ZNF800: variants seen among roughly 807,000 people sequenced by gnomAD.
ZNF800 encodes zinc finger protein 800.
ZNF800 carries 13 observed loss-of-function variants against 59.5 expected under a neutral mutation model. The ratio of observed to expected loss-of-function variants is 0.22; its 90% CI spans 0.14 to 0.35. ZNF800 has a LOEUF of 0.35. Ranked by LOEUF, ZNF800 falls within the 10% of genes least tolerant of loss-of-function variation. The pLI, the probability that ZNF800 is intolerant of heterozygous loss-of-function variation, is 1.00. For synonymous variants in ZNF800, 266 were observed against 265.7 expected, an observed-to-expected ratio of 1.00 and a Z score of -0.01; for missense variants, 621 against 783.7, an observed-to-expected ratio of 0.79 and a Z score of 2.48.
At chr7:127,372,873 A>G in intron 5 of ZNF800, 1 of 985,316 alleles carries the variant, frequency 1.0e-6, no homozygotes, top group Non-Finnish European at 1.2e-6. Flanking sequence ...TTTTTACAAT[A>G]ATTACAGTGC....
chr7:127,356,152 T>C (rs1272609515), intron 1 of ZNF800, among the ~76,000 whole-genome samples: 3 of 152,048 alleles, frequency 2.0e-5, no homozygotes, highest in Non-Finnish European at 2.9e-5. Flanking sequence ...AGTGATCTAG[T>C]GATTTTGTAA....
At chr7:127,360,072 T>C (rs1203276127) in intron 1 of ZNF800, 1 of 152,054 alleles carries the variant, frequency 6.6e-6, no homozygotes, top group East Asian at 1.9e-4. Flanking sequence ...TGACTCAGAA[T>C]CTGCATTTTA....
chr7:127,374,262 T>A lies in ZNF800; in HGVS notation c.1074A>T (p.Ala358=), dbSNP rs1236340026. 2 of 1,613,878 alleles carry A rather than the reference T, an allele frequency of 1.2e-6. No individual in the cohort carries two copies. The highest frequency in any genetic ancestry group is 1.7e-6 in the Non-Finnish European group (2 of 1,179,980). Residue 358 remains alanine, a synonymous_variant, in exon 5 of 6, where the codon GCA becomes GCT. Transcript: ENST00000265827. ...SSSKAEYNLT[A]CKCLLCKRKY... is the part of the protein sequence containing the mutation. ...TCCTCTTGCAAAGGAGGCATTTGCA[T>A]GCAGTTAAATTGTATTCAGCCTTTG...
At chr7:127,392,020 G>A in intron 1 of ZNF800, 40 bp downstream of exon 1, 1 of 387,168 alleles carries the variant, frequency 2.6e-6, no homozygotes, top group Non-Finnish European at 4.6e-6. Context: ...GGTCTCCCTG[G>A]CGGAGACCCC....
rs551378117 is a variant in ZNF800, at chr7:127,352,353, A to G, written n.225-4310T>C. On this transcript the variant is annotated intron_variant and non_coding_transcript_variant, in intron 1 of 1. Coordinates refer to the ZNF800 transcript ENST00000485577. ...TCAACTGCATTAAATTCTAATAGAA[A>G]AAAAGTATCAAAAGAGAAAGTCTAT... Among the ~76,000 whole-genome samples the G allele has an allele frequency of 3.3e-5, 5 of 152,266 alleles. No individual in the cohort carries two copies. In the South Asian group the frequency reaches 1.0e-3, roughly 32 times the overall value.
chr7:127,370,703 C>T lies in ZNF800; in HGVS notation c.*1111G>A, dbSNP rs1195612206. The T allele has an allele frequency of 6.6e-6, 1 of 152,456 alleles. No homozygotes were observed. The highest frequency in any genetic ancestry group is 1.9e-4 in the East Asian group (1 of 5,198). The allele number at this position is 152,456 out of a possible 1,614,324, so 9.4% of individuals were successfully genotyped here. On this transcript the variant is annotated 3_prime_UTR_variant, in exon 6 of 6. Coordinates refer to ENST00000265827, the MANE Select transcript of ZNF800 (RefSeq NM_176814.5). ...ACAAATAACTAAAAAATAAAATATT[C>T]CCTAAAAGTACAAAATATTGATACA...
chr7:127,374,528 G>T lies in ZNF800; in HGVS notation c.808C>A (p.Pro270Thr). 1 of 1,614,122 alleles carries T rather than the reference G, an allele frequency of 6.2e-7. No homozygotes were observed. Among genetic ancestry groups the T allele is most frequent in the Non-Finnish European group, 8.5e-7 (1 of 1,179,972 alleles). Residue 270 changes from proline (P) to threonine (T), a missense_variant, in exon 5 of 6, where the codon CCA becomes ACA. By Grantham distance (38) the Pro-to-Thr change is conservative. Around this residue, in one of 7 missense-constraint regions of ZNF800, gnomAD observed 218 missense variants for 230.8 expected, o/e 0.94. Coordinates refer to ENST00000265827, the MANE Select transcript of ZNF800 (RefSeq NM_176814.5). ...LKKYIETRKN[P>T]NQSSKGRSKN... ...CTGCGTCCTTTAGAGGATTGGTTTGGATTCTTTCGTGTTTCAATGTACTTT... is the reference window on the plus strand; with the variant it reads ...CTGCGTCCTTTAGAGGATTGGTTTGTATTCTTTCGTGTTTCAATGTACTTT...
rs1161061417 is a variant in ZNF800, at chr7:127,386,085, T to C, written c.132A>G (p.Gln44=). The stretch of plus-strand genomic sequence containing the variant: ...CTGATCGAAAGCACTCAATTATTTG[T>C]TGAATACCAGATTTGGATGTCTGTA... ...QPLQTSKSGI[Q]QIIECFRSGT... The change falls in exon 3 of 6, where the codon CAA becomes CAG. Residue 44 remains glutamine, a synonymous_variant. Coordinates refer to ENST00000265827, the MANE Select transcript of ZNF800 (RefSeq NM_176814.5). The C allele has an allele frequency of 4.3e-6, 7 of 1,611,886 alleles. No homozygotes were observed. Among genetic ancestry groups the C allele is most frequent in the African/African-American group, 4.0e-5 (3 of 74,872 alleles).
exon 2 of ZNF800, chr7:127,347,779 A>C (rs1252434011): frequency 6.6e-6 from 1 of 152,044 alleles, no homozygotes; most frequent in African/African-American, 2.4e-5. Context: ...CGGCCCGTGG[A>C]GACGGCCGCG....
chr7:127,373,955 T>G lies in ZNF800; in HGVS notation c.1381A>C (p.Thr461Pro). ...VKQDSESPKS[T>P]SPSAAGGQQK... is the part of the protein sequence containing the mutation. ...TGGCCACCTGCAGCCGACGGACTAG[T>G]TGATTTAGGGCTTTCAGAGTCTTGT... Residue 461 changes from threonine (T) to proline (P), a missense_variant, in exon 5 of 6, where the codon ACT becomes CCT. Transcript: ENST00000265827. 1 of 1,614,178 alleles carries G rather than the reference T, an allele frequency of 6.2e-7. No individual in the cohort carries two copies. The highest frequency in any genetic ancestry group is 8.5e-7 in the Non-Finnish European group (1 of 1,180,026).
chr7:127,369,659 G>A (rs1800585737), downstream of ZNF800, among the ~76,000 whole-genome samples: 1 of 152,054 alleles, frequency 6.6e-6, no homozygotes, highest in Non-Finnish European at 1.5e-5. Flanking sequence ...CTGACACAGT[G>A]CTATTTTTCC....
chr7:127,384,224 C>CTTATTTTTTTTTT (rs1189051908), intron 3 of ZNF800, among the ~76,000 whole-genome samples: 1 of 59,250 alleles, frequency 1.7e-5, no homozygotes, highest in South Asian at 6.8e-4. Context: ...CTAATTCTAA[C>CTTATTTTTTTTTT]TTCTTTTTTT....
At chr7:127,357,549 C>A (rs1800295609) in intron 1 of ZNF800, among the ~76,000 whole-genome samples, 1 of 152,114 alleles carries the variant, frequency 6.6e-6, no homozygotes, top group Admixed American at 6.6e-5. Flanking sequence ...AGATCAGAGG[C>A]ATGGGGAGTA....
chr7:127,388,203 G>A (rs1801197971), intron 2 of ZNF800, among the ~76,000 whole-genome samples: 1 of 152,136 alleles, frequency 6.6e-6, no homozygotes, highest in Admixed American at 6.5e-5. Context: ...CATAGTAAGT[G>A]CTCAATAAAC....
At chr7:127,372,618 A>G in intron 5 of ZNF800, 8 of 984,958 alleles carry the variant, frequency 8.1e-6, no homozygotes, top group Non-Finnish European at 9.6e-6. Context: ...AAGTTTATTA[A>G]AAAGAGAGGG....
At chr7:127,342,976 A>C (rs902016638), downstream of ZNF800, among the ~76,000 whole-genome samples, 22 of 152,158 alleles carry the variant, frequency 1.4e-4, no homozygotes, top group Non-Finnish European at 2.9e-4. Flanking sequence ...TCACAATACT[A>C]TCCTAAATAA....
At chr7:127,380,729 T>C (rs1361356440) in intron 3 of ZNF800, among the ~76,000 whole-genome samples, 1 of 152,218 alleles carries the variant, frequency 6.6e-6, no homozygotes, top group African/African-American at 2.4e-5. Context: ...CTCTTGATGC[T>C]GAGAAACAGA....
chr7:127,373,336 C>T lies in ZNF800; in HGVS notation c.1994+6G>A. On this transcript the variant is annotated splice_donor_region_variant and intron_variant, in intron 5 of 5. Coordinates refer to ENST00000265827, the MANE Select transcript of ZNF800 (RefSeq NM_176814.5). ...AAAAAGCAAAACTCTGTTAACTGTT[C>T]CTCACCAGACAAGAGCCTTAGATCT... 1.3e-6 allele frequency: 2 copies of T among 1,567,274 alleles called. No homozygotes were observed. The highest frequency in any genetic ancestry group is 1.7e-6 in the Non-Finnish European group (2 of 1,158,972).
intron 3 of ZNF800, among the ~76,000 whole-genome samples, chr7:127,381,905 T>C (rs949899790): frequency 1.3e-5 from 2 of 151,854 alleles, no homozygotes; most frequent in Non-Finnish European, 2.9e-5. Context: ...CTTAAACTAA[T>C]TGCAATTAAA....
Sources: allele counts gnomAD v4.1 joint callset (sites outside exome capture counted in the v4.1 genomes callset), GRCh38; gene constraint gnomAD v4.1.1; regional missense constraint gnomAD v4.1.1; transcripts MANE v1.5; gene names NCBI Gene and HGNC (gene_info 2026-07-23, HGNC 2026-07-21).